COL4A5: variants seen among roughly 807,000 people sequenced by gnomAD.
COL4A5 encodes the protein collagen alpha-5(IV) chain.
COL4A5 carries 26 observed loss-of-function variants against 130.2 expected under a neutral mutation model. The ratio of observed to expected loss-of-function variants is 0.20; its 90% confidence interval spans 0.15 to 0.28. COL4A5 has a LOEUF of 0.28. Ranked by LOEUF, COL4A5 falls within the 10% of genes least tolerant of loss-of-function variation. The pLI is 1.00. For synonymous variants in COL4A5, 496 were observed against 439.6 expected, an observed-to-expected ratio of 1.13 and a Z score of -1.60; for missense variants, 1,131 against 1,344.3, an observed-to-expected ratio of 0.84 and a Z score of 2.48.
Position 108,443,625 on chromosome X carries a change from T to C in COL4A5, c.81+3419T>C, listed in dbSNP as rs190893356. Among the ~76,000 whole-genome samples the C allele has an allele frequency of 7.9e-4, 88 of 111,991 alleles. 1 individual carries two copies. Among genetic ancestry groups the C allele is most frequent in the Non-Finnish European group, 1.5e-3 (78 of 53,182 alleles). On this transcript the variant is annotated intron_variant, in intron 1 of 52. Transcript: ENST00000328300. ...TATATATGTATCTGTCCCATGGCAG[T>C]GTAAGAGTTTGTATTTTTTCATGTG... is the stretch of plus-strand genomic sequence containing the variant.
chrX:108,685,702 G>A (rs767874570), intron 47 of COL4A5, among the ~76,000 whole-genome samples: 1 of 112,252 alleles, frequency 8.9e-6, no homozygotes, highest in East Asian at 2.8e-4. Flanking sequence ...AAGTGATCAA[G>A]TGACAGTCTT....
intron 1 of COL4A5, among the ~76,000 whole-genome samples, chrX:108,464,173 A>G (rs1041040244): frequency 2.7e-5 from 3 of 111,876 alleles, no homozygotes; most frequent in African/African-American, 9.7e-5. Context: ...TAAGCCTAAT[A>G]GTTTGTTTTC....
rs919203011 is a variant in COL4A5 at position 108,637,438 on chromosome X, A to G, written c.3246+11089A>G. 3.6e-5 allele frequency among the ~76,000 whole-genome samples: 4 copies of G among 111,788 alleles called. No homozygotes were observed. In the East Asian group the frequency reaches 1.1e-3, roughly 31 times the overall value. Reference sequence around the variant, plus strand: ...AAACTAGCAGAAAGAAAGAAATAATAAAGATTAGAGCAGAGATAAATAAAA... The same window carrying G: ...AAACTAGCAGAAAGAAAGAAATAATGAAGATTAGAGCAGAGATAAATAAAA... On this transcript the variant is annotated intron_variant, in intron 36 of 52. Transcript: ENST00000328300.
At chrX:108,454,426 C>G (rs1170327068) in intron 1 of COL4A5, among the ~76,000 whole-genome samples, 1 of 110,413 alleles carries the variant, frequency 9.1e-6, no homozygotes, top group Admixed American at 9.7e-5. Flanking sequence ...TACAGGCGCC[C>G]GCCACCACAC....
At chrX:108,657,688 C>G (rs1482507296) in intron 37 of COL4A5, among the ~76,000 whole-genome samples, 1 of 110,995 alleles carries the variant, frequency 9.0e-6, no homozygotes, top group Non-Finnish European at 1.9e-5. Flanking sequence ...TTTTGTAAAT[C>G]TTGAACATAT....
At chrX:108,517,703 C>T (rs903506227) in intron 1 of COL4A5, among the ~76,000 whole-genome samples, 5 of 111,701 alleles carry the variant, frequency 4.5e-5, no homozygotes, top group African/African-American at 1.6e-4. Flanking sequence ...AGATGATTAA[C>T]AGATACAAAT....
chrX:108,460,624 G>A (rs964931424), intron 1 of COL4A5, among the ~76,000 whole-genome samples: 10 of 104,207 alleles, frequency 9.6e-5, no homozygotes, highest in Non-Finnish European at 1.8e-4. Context: ...TGAGTAGATG[G>A]GATTACAGAT....
Position 108,487,646 on chromosome X carries a change from G to A in COL4A5, c.81+47440G>A, listed in dbSNP as rs374615913. On this transcript the variant is annotated intron_variant, in intron 1 of 52. Transcript: ENST00000328300. ...ATGAGATTGTTTATTCCACTTAAAC[G>A]AATTCAAAAATAATGACTTACAAAG... Among the ~76,000 whole-genome samples the A allele has an allele frequency of 3.8e-4, 42 of 111,655 alleles. 1 individual carries two copies. The highest frequency in any genetic ancestry group is 1.7e-3 in the East Asian group (6 of 3,558).
intron 1 of COL4A5, among the ~76,000 whole-genome samples, chrX:108,496,629 A>T (rs1195402049): frequency 3.6e-5 from 4 of 111,333 alleles, no homozygotes; most frequent in Non-Finnish European, 7.5e-5. Flanking sequence ...GAGAGAACTG[A>T]TGAAGTCACA....
chrX:108,675,710 T>C (rs1401348663), intron 43 of COL4A5, among the ~76,000 whole-genome samples: 2 of 111,621 alleles, frequency 1.8e-5, no homozygotes, highest in African/African-American at 6.5e-5. Flanking sequence ...TGTTATATTA[T>C]GAAATTACAT....
intron 29 of COL4A5, among the ~76,000 whole-genome samples, chrX:108,614,054 A>G (rs772050875): frequency 2.7e-5 from 3 of 111,968 alleles, no homozygotes; most frequent in Non-Finnish European, 3.8e-5. Context: ...GATTAACAAA[A>G]TGTACATATT....
intron 46 of COL4A5, 23 bp downstream of exon 46, chrX:108,680,979 G>C: frequency 8.8e-7 from 1 of 1,136,516 alleles, no homozygotes. Flanking sequence ...CCTGAAGATA[G>C]TTATACCTGA....
intron 1 of COL4A5, among the ~76,000 whole-genome samples, chrX:108,483,221 G>A (rs868745451): frequency 9.3e-5 from 8 of 86,356 alleles, no homozygotes; most frequent in African/African-American, 2.0e-4. Context: ...GTGTGTGTGT[G>A]TATGTGTGTG....
intron 49 of COL4A5, among the ~76,000 whole-genome samples, chrX:108,690,837 G>T (rs2068629543): frequency 8.9e-6 from 1 of 111,820 alleles, no homozygotes; most frequent in African/African-American, 3.2e-5. Context: ...AAGGAAAATA[G>T]TATATCAAAG....
At chrX:108,492,664 C>A (rs1263578851) in intron 1 of COL4A5, among the ~76,000 whole-genome samples, 4 of 111,514 alleles carry the variant, frequency 3.6e-5, no homozygotes, top group Non-Finnish European at 7.6e-5. Context: ...AGAGGATCCC[C>A]ATTTACTAGT....
At chrX:108,440,541 G>T (rs112097517) in intron 1 of COL4A5, 166 of 242,217 alleles carry the variant, frequency 6.9e-4, no homozygotes, top group African/African-American at 3.9e-3. Flanking sequence ...TCCCTCCACC[G>T]TCGGGTGTTT....
At chrX:108,588,634 A>C (rs758756682) in intron 19 of COL4A5, among the ~76,000 whole-genome samples, 70 of 111,224 alleles carry the variant, frequency 6.3e-4, no homozygotes, top group African/African-American at 2.0e-3. Flanking sequence ...TCTATTAAAA[A>C]ACACATGCAT....
At chrX:108,568,119 C>T in intron 4 of COL4A5, among the ~76,000 whole-genome samples, 1 of 112,019 alleles carries the variant, frequency 8.9e-6, no homozygotes, top group East Asian at 2.8e-4. Flanking sequence ...TTTCAAATTT[C>T]TCTCCATAGA....
In COL4A5 at chrX:108,601,423, C is replaced by T. The variant is rs780612276; in HGVS notation, c.1979C>T (p.Thr660Ile). 6.5e-5 allele frequency: 78 copies of T among 1,206,163 alleles called. No individual in the cohort carries two copies. The South Asian group carries it at 1.3e-3, about 21-fold the overall frequency. The stretch of plus-strand genomic sequence containing the variant: ...AAAGGGGATCCAGGTCAGACTATAA[C>T]CCAGCCGGGGAAGCCTGGCTTGCCT... ...GPKGDPGQTI[T>I]QPGKPGLPGN... The change falls in exon 26 of 53, where the codon ACC (threonine) becomes ATC (isoleucine). Residue 660 changes from threonine (T) to isoleucine (I), a missense_variant. Coordinates refer to ENST00000328300, the MANE Select transcript of COL4A5 (RefSeq NM_033380.3).
Sources: gnomAD v4.1 joint callset for allele counts (sites outside exome capture counted in the v4.1 genomes callset) on GRCh38, gnomAD v4.1.1 for gene constraint, MANE v1.5 for transcripts, NCBI Gene and HGNC (gene_info 2026-07-23, HGNC 2026-07-21) for gene names.